PAK3: variants seen among roughly 807,000 people sequenced by gnomAD.
PAK3 encodes the protein p21 (RAC1) activated kinase 3.
Under a neutral mutation model 41.0 loss-of-function variants are expected in PAK3, and 4 were observed. That is an observed-to-expected ratio of 0.10 (90% CI 0.05 to 0.22). The LOEUF is 0.22. PAK3 is among the 10% of genes least tolerant of loss of function. The pLI, the probability that PAK3 is intolerant of heterozygous loss-of-function variation, is 1.00. For missense variants in PAK3, 205 were observed against 409.9 expected (o/e 0.50, Z 4.32); for synonymous variants, 146 against 139.6 (o/e 1.05, Z -0.32).
chrX:111,031,873 G>A (rs1256798444), intron 1 of PAK3, among the ~76,000 whole-genome samples: 1 of 111,787 alleles, frequency 8.9e-6, no homozygotes, highest in Non-Finnish European at 1.9e-5. Context: ...ATTAGCAAGA[G>A]TTGTGATTTT....
Position 111,216,510 on chromosome X carries a change from T to C in PAK3, c.1497T>C (p.Cys499=). The change falls in exon 17 of 18, where the codon TGT becomes TGC. Residue 499 remains cysteine, a synonymous_variant. Transcript: ENST00000372007. The part of the protein sequence containing the change: ...SAVFRDFLNR[C]LEMDVDRRGS... ...TATTCCGTGACTTTTTAAATCGCTG[T>C]CTTGAGATGGATGTGGATAGGCGAG... 2.5e-6 allele frequency: 3 copies of C among 1,198,358 alleles called. No homozygotes were observed. The highest frequency in any genetic ancestry group is 3.4e-6 in the Non-Finnish European group (3 of 883,268).
chrX:111,015,519 T>C (rs1401155834), intron 1 of PAK3, among the ~76,000 whole-genome samples: 1 of 111,663 alleles, frequency 9.0e-6, no homozygotes, highest in Non-Finnish European at 1.9e-5. Context: ...TTGATGAATC[T>C]CCATCCAGTT....
chrX:111,006,247 T>C (rs990618062), intron 1 of PAK3, among the ~76,000 whole-genome samples: 6 of 112,162 alleles, frequency 5.3e-5, no homozygotes, highest in African/African-American at 1.9e-4. Context: ...GAATATGGAC[T>C]ATATATTAGG....
At chrX:111,146,625 T>G in intron 6 of PAK3, 1 of 659,910 alleles carries the variant, frequency 1.5e-6, no homozygotes, top group Non-Finnish European at 2.3e-6. Context: ...GTCATAGCAC[T>G]GCAGCAGCAG....
intron 1 of PAK3, among the ~76,000 whole-genome samples, chrX:110,956,328 C>T (rs762486193): frequency 1.1e-4 from 12 of 111,496 alleles, no homozygotes; most frequent in Admixed American, 7.6e-4. Flanking sequence ...GGTACACAGA[C>T]GTGCTCAATA....
At chrX:111,136,382 G>A (rs1167491528) in intron 5 of PAK3, among the ~76,000 whole-genome samples, 1 of 111,770 alleles carries the variant, frequency 8.9e-6, no homozygotes, top group Non-Finnish European at 1.9e-5. Flanking sequence ...AGCTTTCATG[G>A]TTGGATTCTA....
Position 111,225,780 on chromosome X carries a change from C to A in PAK3, c.*5333C>A, listed in dbSNP as rs1186667714. ...TAACATTCTATGGCATTATAGGTTG[C>A]CTTGCAAATTCAGCCTGCTATAGTG... On this transcript the variant is annotated 3_prime_UTR_variant, in exon 18 of 18. Transcript: ENST00000372007. 1 of 111,959 alleles carries A rather than the reference C, an allele frequency of 8.9e-6. No individual in the cohort carries two copies. The highest frequency in any genetic ancestry group is 1.9e-5 in the Non-Finnish European group (1 of 53,283). The allele number at this position is 111,959 out of a possible 1,213,427, so 9.2% of individuals were successfully genotyped here.
chrX:111,021,287 T>G (rs1355482324), intron 1 of PAK3, among the ~76,000 whole-genome samples: 1 of 111,990 alleles, frequency 8.9e-6, no homozygotes, highest in East Asian at 2.8e-4. Flanking sequence ...GAGTCCATTT[T>G]ACTCCCCTGC....
chrX:111,157,691 G>T (rs1301079213), intron 8 of PAK3, among the ~76,000 whole-genome samples: 3 of 109,656 alleles, frequency 2.7e-5, no homozygotes, highest in African/African-American at 1.0e-4. Flanking sequence ...GGAGGCTGAG[G>T]CAGGAGAATC....
chrX:111,175,725 C>T (rs755176174), intron 11 of PAK3, among the ~76,000 whole-genome samples: 3 of 111,486 alleles, frequency 2.7e-5, no homozygotes, highest in Non-Finnish European at 5.7e-5. Context: ...GGTAATGAAA[C>T]AAGACTAATT....
At chrX:111,108,991 C>A (rs1376532420) in intron 4 of PAK3, among the ~76,000 whole-genome samples, 1 of 112,069 alleles carries the variant, frequency 8.9e-6, no homozygotes, top group Non-Finnish European at 1.9e-5. Context: ...GGAGCACCAA[C>A]TCTGGTATCA....
At chrX:111,045,173 G>A (rs2092485113) in intron 1 of PAK3, among the ~76,000 whole-genome samples, 2 of 111,945 alleles carry the variant, frequency 1.8e-5, no homozygotes, top group African/African-American at 6.5e-5. Flanking sequence ...TGTCTGTCTG[G>A]AAAGATGCCA....
rs1319121618 is a variant in PAK3, at chrX:111,220,963, C to CAAAAAAAAAAAAAAAAAAAAAA, written c.*519_*520insAAAAAAAAAAAAAAAAAAAAAA. 1.8e-5 allele frequency: 1 copy of CAAAAAAAAAAAAAAAAAAAAAA among 54,531 alleles called. No homozygotes were observed. The highest frequency in any genetic ancestry group is 6.5e-5 in the African/African-American group (1 of 15,482). The allele number at this position is 54,531 out of a possible 1,213,427, so 4.5% of individuals were successfully genotyped here. A position where few individuals can be genotyped will look rare whatever the true frequency, so the allele number is the denominator to read the frequency against. On this transcript the variant is annotated 3_prime_UTR_variant, in exon 18 of 18. Transcript: ENST00000372007. ...AGCAAGGCAAAAAAAAAAAAAAAAA[C>CAAAAAAAAAAAAAAAAAAAAAA]AAACAAAAACAAAAACAAAACAAAA...
intron 1 of PAK3, among the ~76,000 whole-genome samples, chrX:111,023,392 T>G (rs1300259466): frequency 8.9e-6 from 1 of 112,383 alleles, no homozygotes; most frequent in Non-Finnish European, 1.9e-5. Flanking sequence ...TTTATAATCC[T>G]TTGGGTATAT....
chrX:110,980,530 C>A (rs1418598807), intron 1 of PAK3, among the ~76,000 whole-genome samples: 1 of 110,925 alleles, frequency 9.0e-6, no homozygotes, highest in Non-Finnish European at 1.9e-5. Flanking sequence ...ATTGTAGGGG[C>A]CAAGGGATAA....
intron 6 of PAK3, chrX:111,146,659 G>A: frequency 2.1e-6 from 1 of 472,758 alleles, no homozygotes. Flanking sequence ...CAGTAGAGTT[G>A]TTGCTTGGCT....
At chrX:111,065,207 C>G (rs1300645535) in intron 1 of PAK3, among the ~76,000 whole-genome samples, 1 of 110,510 alleles carries the variant, frequency 9.0e-6, no homozygotes, top group Non-Finnish European at 1.9e-5. Context: ...CTAGATGGCT[C>G]TTATTATTTT....
chrX:110,974,597 C>T (rs781568838), intron 1 of PAK3, among the ~76,000 whole-genome samples: 40 of 111,996 alleles, frequency 3.6e-4, no homozygotes, highest in Admixed American at 2.8e-3. Flanking sequence ...AGAATCCTCC[C>T]TAACTCATTT....
At chrX:110,966,911 C>A (rs1437168800) in intron 1 of PAK3, among the ~76,000 whole-genome samples, 1 of 112,077 alleles carries the variant, frequency 8.9e-6, no homozygotes, top group East Asian at 2.8e-4. Context: ...TCGGTACTGC[C>A]TGCATGAGGG....
Sources: allele counts gnomAD v4.1 joint callset (sites outside exome capture counted in the v4.1 genomes callset), GRCh38; gene constraint gnomAD v4.1.1; transcripts MANE v1.5; gene names NCBI Gene and HGNC (gene_info 2026-07-23, HGNC 2026-07-21).